Variants in SNAP23 observed in about 807,000 individuals in gnomAD.
The protein encoded by SNAP23 is synaptosome associated protein 23, also known as synaptosomal-associated protein 23.
In SNAP23, 11 loss-of-function variants were observed where a neutral mutation model predicts 29.0. The ratio of observed to expected loss-of-function variants is 0.38; its 90% CI spans 0.24 to 0.63. The LOEUF is 0.63. SNAP23 is among the 20% of genes least tolerant of loss of function. The pLI is 0.58. For missense variants in SNAP23, 220 were observed against 253.9 expected (o/e 0.87, Z 0.91); for synonymous variants, 60 against 82.9 (o/e 0.72, Z 1.50).
chr15:42,509,145 A>G (rs1232600525), intron 1 of SNAP23, among the ~76,000 whole-genome samples: 1 of 152,200 alleles, frequency 6.6e-6, no homozygotes, highest in Non-Finnish European at 1.5e-5. Context: ...TACAAAAAAT[A>G]ATCTCCATTT....
chr15:42,514,828 A>G (rs1414776496), intron 4 of SNAP23, among the ~76,000 whole-genome samples: 1 of 149,458 alleles, frequency 6.7e-6, no homozygotes, highest in East Asian at 2.0e-4. Flanking sequence ...TCAGCCTCCC[A>G]GGTAGCTAGG....
chr15:42,524,727 A>G (rs947832187), intron 5 of SNAP23, among the ~76,000 whole-genome samples: 16 of 152,360 alleles, frequency 1.1e-4, no homozygotes, highest in East Asian at 3.9e-4. Context: ...GGAAGGTATT[A>G]CCTTTAAAGC....
At chr15:42,528,074 G>T in intron 5 of SNAP23, 188 bp from the exon 6 acceptor site, 1 of 522,516 alleles carries the variant, frequency 1.9e-6, no homozygotes, top group Non-Finnish European at 3.4e-6. Context: ...AGTGTCAATG[G>T]GTTTACATAA....
At chr15:42,525,241 G>A (rs1451206404) in intron 5 of SNAP23, among the ~76,000 whole-genome samples, 5 of 151,310 alleles carry the variant, frequency 3.3e-5, no homozygotes, top group South Asian at 2.1e-4. Flanking sequence ...GGTGGCAGGC[G>A]CCTGTAGTCC....
intron 4 of SNAP23, 50 bp from the exon 5 acceptor site, chr15:42,515,187 T>A: frequency 8.8e-7 from 1 of 1,142,488 alleles, no homozygotes; most frequent in Non-Finnish European, 1.3e-6. Flanking sequence ...CATTTTCTGG[T>A]TGACACTGTG....
At chr15:42,515,090 G>A (rs1005946380) in intron 4 of SNAP23, 147 bp from the exon 5 acceptor site, 8 of 580,292 alleles carry the variant, frequency 1.4e-5, no homozygotes, top group African/African-American at 7.7e-5. Flanking sequence ...ATGTTGAATC[G>A]CTTCTAATAC....
chr15:42,506,812 A>C (rs2057320250), intron 1 of SNAP23, among the ~76,000 whole-genome samples: 1 of 151,932 alleles, frequency 6.6e-6, no homozygotes, highest in South Asian at 2.1e-4. Flanking sequence ...TACAGTCAAC[A>C]GAAAAAACTT....
At position 42,531,487 on chromosome 15, in the gene SNAP23, C is replaced by A; in HGVS notation, c.*9C>A. On this transcript the variant is annotated 3_prime_UTR_variant, in exon 8 of 8. Transcript: ENST00000249647. The stretch of plus-strand genomic sequence containing the variant: ...AACTCATTGACAGCTAAAGCTACTG[C>A]TGTTCTTCTTTATCATTTATTCACT... 1 of 1,592,118 alleles carries A rather than the reference C, an allele frequency of 6.3e-7. No homozygotes were observed. The highest frequency in any genetic ancestry group is 8.6e-7 in the Non-Finnish European group (1 of 1,167,612).
intron 1 of SNAP23, among the ~76,000 whole-genome samples, chr15:42,501,570 T>C (rs2057270685): frequency 6.6e-6 from 1 of 152,048 alleles, no homozygotes; most frequent in South Asian, 2.1e-4. Context: ...TGGCTGATTT[T>C]TTTTTTGTTG....
At chr15:42,528,045 C>T in intron 5 of SNAP23, 1 of 466,204 alleles carries the variant, frequency 2.1e-6, no homozygotes, top group Non-Finnish European at 3.8e-6. Context: ...AGTATTTGGA[C>T]CTTTTTAAAA....
chr15:42,496,685 T>A lies in SNAP23; in HGVS notation c.-15+972T>A, dbSNP rs140889640. Among the ~76,000 whole-genome samples, 709 of 151,946 alleles carry A rather than the reference T, an allele frequency of 4.7e-3. 4 individuals are homozygous for A. Among genetic ancestry groups the A allele is most frequent in the Middle Eastern group, 0.034 (10 of 294 alleles). ...TGAACCGAGATCGTGCCACTGAGCTTCAGCCTGGGAGACAGAGTCAGGCTC... is the reference window on the plus strand; with the variant it reads ...TGAACCGAGATCGTGCCACTGAGCTACAGCCTGGGAGACAGAGTCAGGCTC... On this transcript the variant is annotated intron_variant, in intron 1 of 7. Transcript: ENST00000249647.
chr15:42,509,867 G>A (rs968042338), intron 1 of SNAP23, among the ~76,000 whole-genome samples: 4 of 152,072 alleles, frequency 2.6e-5, no homozygotes, highest in African/African-American at 4.8e-5. Context: ...TCTGGAGTTC[G>A]AGATCAGCCT....
chr15:42,509,928 G>T (rs1471601090), intron 1 of SNAP23, among the ~76,000 whole-genome samples: 1 of 152,000 alleles, frequency 6.6e-6, no homozygotes, highest in East Asian at 2.0e-4. Flanking sequence ...AATTAGTGGG[G>T]CGTGGTGGTG....
In SNAP23 at chr15:42,515,225, A is replaced by G. The variant is rs1307037679; in HGVS notation, c.149-12A>G. The G allele has an allele frequency of 1.3e-6, 2 of 1,536,034 alleles. No homozygotes were observed. The highest frequency in any genetic ancestry group is 1.2e-5 in the South Asian group (1 of 85,496). Reference sequence around the variant, plus strand: ...TGGAACACAAAGTGTTAACTTCACAACTTATTCTTAGAACAACTAAACCGC... The same window carrying G: ...TGGAACACAAAGTGTTAACTTCACAGCTTATTCTTAGAACAACTAAACCGC... On this transcript the variant is annotated splice_polypyrimidine_tract_variant and intron_variant, in intron 4 of 7. Coordinates refer to ENST00000249647, the MANE Select transcript of SNAP23 (RefSeq NM_003825.4).
At chr15:42,521,312 G>A (rs918675748) in intron 5 of SNAP23, 8 of 184,226 alleles carry the variant, frequency 4.3e-5, no homozygotes, top group Non-Finnish European at 8.2e-5. Flanking sequence ...AGAGGAAGGA[G>A]TCTCAAAGCA....
intron 1 of SNAP23, among the ~76,000 whole-genome samples, chr15:42,501,535 G>A (rs537928235): frequency 6.6e-6 from 1 of 152,136 alleles, no homozygotes; most frequent in Non-Finnish European, 1.5e-5. Flanking sequence ...GAGTAGCTGG[G>A]ACTACAGGTG....
upstream of SNAP23, among the ~76,000 whole-genome samples, chr15:42,492,338 T>C (rs1361811832): frequency 1.3e-5 from 2 of 152,202 alleles, no homozygotes; most frequent in East Asian, 1.9e-4. Context: ...TCCTATATTA[T>C]TGAGATTATA....
At chr15:42,511,728 C>T in intron 1 of SNAP23, 105 bp from the exon 2 acceptor site, 1 of 531,494 alleles carries the variant, frequency 1.9e-6, no homozygotes, top group Non-Finnish European at 3.3e-6. Context: ...TCCTGTTTTC[C>T]TGATAAGTTC....
upstream of SNAP23, among the ~76,000 whole-genome samples, chr15:42,493,364 A>T (rs907209106): frequency 1.3e-5 from 2 of 151,746 alleles, no homozygotes; most frequent in Non-Finnish European, 2.9e-5. Context: ...CTATATATAT[A>T]TACATATATG....
Sources: allele counts gnomAD v4.1 joint callset (sites outside exome capture counted in the v4.1 genomes callset), GRCh38; gene constraint gnomAD v4.1.1; transcripts MANE v1.5; gene names NCBI Gene and HGNC (gene_info 2026-07-23, HGNC 2026-07-21).